ATP13A5: variants seen among roughly 807,000 people sequenced by gnomAD.
The protein encoded by ATP13A5 is probable cation-transporting ATPase 13A5.
In ATP13A5, 149 loss-of-function variants were observed where a neutral mutation model predicts 150.2. That is an observed-to-expected ratio of 0.99 (90% CI 0.87 to 1.14). The LOEUF (loss-of-function observed/expected upper bound fraction) is 1.14. ATP13A5 is among the 50% of genes most tolerant of loss of function. The probability of loss-of-function intolerance (pLI) is 0.00; values close to 1 mark genes in which losing one functional copy is unlikely to be tolerated. For synonymous variants in ATP13A5, 497 were observed against 522.2 expected (o/e 0.95, Z 0.66); for missense variants, 1,383 against 1,449.3 (o/e 0.95, Z 0.74).
At chr3:193,360,343 A>G (rs1323554922) in intron 5 of ATP13A5, among the ~76,000 whole-genome samples, 2 of 152,226 alleles carry the variant, frequency 1.3e-5, no homozygotes, top group Non-Finnish European at 2.9e-5. Flanking sequence ...AAAAGTTTGC[A>G]TGTAAACTCT....
intron 27 of ATP13A5, among the ~76,000 whole-genome samples, chr3:193,280,513 T>A (rs1717440831): frequency 6.6e-6 from 1 of 152,208 alleles, no homozygotes; most frequent in African/African-American, 2.4e-5. Context: ...TATCTCTGGT[T>A]CTCTGGAACT....
At chr3:193,287,069 A>G (rs78286990) in intron 26 of ATP13A5, among the ~76,000 whole-genome samples, 80 of 152,250 alleles carry the variant, frequency 5.3e-4, no homozygotes, top group Admixed American at 1.3e-3. Context: ...AACTCCCTTC[A>G]ATTCTTTGAA....
Position 193,334,966 on chromosome 3 carries a change from AGAGGGCTT to A in ATP13A5, c.1069_1076del (p.Lys357TrpfsTer127), listed in dbSNP as rs1560138313. The stretch of plus-strand genomic sequence containing the variant: ...CGACTGCTCGTACAGGCCCCTGCCC[AGAGGGCTT>A]GACCTGGATAACTTCTGTTCCACAG... On this transcript the variant is annotated frameshift_variant, in exon 10 of 30. Coordinates refer to ENST00000342358, the MANE Select transcript of ATP13A5 (RefSeq NM_198505.4). LOFTEE classifies it high-confidence loss of function. The A allele has an allele frequency of 5.0e-6, 8 of 1,613,924 alleles. No individual in the cohort carries two copies. Among genetic ancestry groups the A allele is most frequent in the Non-Finnish European group, 6.8e-6 (8 of 1,179,818 alleles).
chr3:193,313,158 G>A (rs1718917190), intron 19 of ATP13A5: 1 of 152,238 alleles, frequency 6.6e-6, no homozygotes, highest in Admixed American at 6.5e-5. Context: ...AATCTGCTGA[G>A]AGCAGAGGGA....
intron 29 of ATP13A5, 50 bp downstream of exon 29, chr3:193,276,700 A>G (rs1056492870): frequency 1.1e-5 from 15 of 1,339,092 alleles, no homozygotes; most frequent in Non-Finnish European, 1.5e-5. Flanking sequence ...GCTGAAAATG[A>G]GATCCTTAAT....
rs756507636 is a variant in ATP13A5, at chr3:193,319,125, A to G, written c.1916-17T>C. On this transcript the variant is annotated splice_polypyrimidine_tract_variant and intron_variant, in intron 16 of 29. Transcript: ENST00000342358. ...TCTTGGGCACTGCCAGGGTAGAAGA[A>G]ACAGGTAAGTGTAAGGTCATGTTGA... 1.9e-6 allele frequency: 3 copies of G among 1,591,276 alleles called. No homozygotes were observed. The highest frequency in any genetic ancestry group is 1.1e-5 in the South Asian group (1 of 90,478).
chr3:193,339,577 T>A (rs1178590763), intron 9 of ATP13A5, among the ~76,000 whole-genome samples: 1 of 152,198 alleles, frequency 6.6e-6, no homozygotes, highest in African/African-American at 2.4e-5. Context: ...TTATTAGCAA[T>A]CTTGAATATT....
intron 23 of ATP13A5, among the ~76,000 whole-genome samples, chr3:193,303,912 C>T (rs1718510088): frequency 6.6e-6 from 1 of 151,974 alleles, no homozygotes; most frequent in East Asian, 1.9e-4. Flanking sequence ...CACACACACA[C>T]ACACACACAC....
intron 16 of ATP13A5, among the ~76,000 whole-genome samples, chr3:193,319,523 CAGAA>C (rs1719181072): frequency 6.6e-6 from 1 of 152,200 alleles, no homozygotes; most frequent in African/African-American, 2.4e-5. Flanking sequence ...ATCTGCAAAC[CAGAA>C]AGAAAGCCCT....
chr3:193,289,073 G>T (rs1330484240), intron 26 of ATP13A5, among the ~76,000 whole-genome samples: 1 of 152,124 alleles, frequency 6.6e-6, no homozygotes, highest in East Asian at 1.9e-4. Flanking sequence ...ATGACAATCT[G>T]ATCATTTGCT....
At chr3:193,364,006 T>A (rs1713141450) in intron 2 of ATP13A5, 101 bp downstream of exon 2, 2 of 1,287,848 alleles carry the variant, frequency 1.6e-6, no homozygotes, top group South Asian at 3.1e-5. Flanking sequence ...ATAGAGGAAA[T>A]CTACCTTCTG....
chr3:193,287,669 T>C (rs1189027793), intron 26 of ATP13A5, among the ~76,000 whole-genome samples: 1 of 152,160 alleles, frequency 6.6e-6, no homozygotes, highest in Non-Finnish European at 1.5e-5. Context: ...CTGATGGAGA[T>C]GTATAAGGAA....
chr3:193,307,845 A>G (rs1385457136), intron 21 of ATP13A5, among the ~76,000 whole-genome samples: 1 of 152,216 alleles, frequency 6.6e-6, no homozygotes, highest in Admixed American at 6.5e-5. Flanking sequence ...ACATATATTC[A>G]TATTTTTGAT....
chr3:193,303,626 G>C (rs1718493980), intron 23 of ATP13A5, among the ~76,000 whole-genome samples: 1 of 151,892 alleles, frequency 6.6e-6, no homozygotes, highest in Admixed American at 6.6e-5. Flanking sequence ...GCGGTAACAG[G>C]TTTTCTGAAT....
chr3:193,301,732 A>G (rs540191748), intron 23 of ATP13A5, among the ~76,000 whole-genome samples: 1 of 152,312 alleles, frequency 6.6e-6, no homozygotes, highest in East Asian at 1.9e-4. Context: ...TGGGAATTGC[A>G]TTGTGTGTGC....
chr3:193,298,726 T>G (rs1718271922), intron 25 of ATP13A5, among the ~76,000 whole-genome samples: 1 of 152,114 alleles, frequency 6.6e-6, no homozygotes, highest in Non-Finnish European at 1.5e-5. Flanking sequence ...TCTACTAAAA[T>G]AAAATGTTAG....
intron 1 of ATP13A5, among the ~76,000 whole-genome samples, chr3:193,374,680 C>CG (rs1560156293): frequency 5.9e-5 from 9 of 151,792 alleles, no homozygotes; most frequent in Non-Finnish European, 1.2e-4. Flanking sequence ...CACACGCATA[C>CG]ATAGTGCTAT....
intron 18 of ATP13A5, chr3:193,314,452 T>G (rs887816101): frequency 9.6e-6 from 4 of 415,302 alleles, no homozygotes; most frequent in Middle Eastern, 6.5e-4. Flanking sequence ...TACTTAAGCA[T>G]TTATGACCAA....
At chr3:193,307,122 G>T in intron 22 of ATP13A5, 1 of 1,398,798 alleles carries the variant, frequency 7.1e-7, no homozygotes. Context: ...ATTATTCTAG[G>T]AGTTTCCAGA....
Sources: allele counts gnomAD v4.1 joint callset (sites outside exome capture counted in the v4.1 genomes callset), GRCh38; gene constraint gnomAD v4.1.1; transcripts MANE v1.5; gene names NCBI Gene and HGNC (gene_info 2026-07-23, HGNC 2026-07-21).